Variants in IGSF9B observed in about 807,000 individuals in gnomAD.
The protein encoded by IGSF9B is immunoglobulin superfamily member 9B, also known as protein turtle homolog B.
IGSF9B carries 48 observed loss-of-function variants against 143.7 expected under a neutral mutation model. The observed-to-expected ratio is 0.33, with a 90% CI of 0.26 to 0.42. IGSF9B has a LOEUF of 0.42. Ranked by LOEUF, IGSF9B falls within the 20% of genes least tolerant of loss-of-function variation. The pLI is 1.00. For synonymous variants in IGSF9B, 903 were observed against 833.1 expected, an observed-to-expected ratio of 1.08 and a Z score of -1.44; for missense variants, 1,706 against 1,980.0, an observed-to-expected ratio of 0.86 and a Z score of 2.63.
At chr11:133,949,554 G>T (rs752074972) in intron 1 of IGSF9B, among the ~76,000 whole-genome samples, 4 of 152,182 alleles carry the variant, frequency 2.6e-5, no homozygotes, top group Non-Finnish European at 4.4e-5. Flanking sequence ...AGCAAAAGAG[G>T]TGCAAAGTGG....
chr11:133,951,686 C>T (rs995081201), intron 1 of IGSF9B, among the ~76,000 whole-genome samples: 14 of 152,346 alleles, frequency 9.2e-5, no homozygotes, highest in African/African-American at 2.9e-4. Flanking sequence ...CACACCCCCA[C>T]TGCCCCTCTC....
At chr11:133,919,130 G>GGGGGGGT in intron 18 of IGSF9B, 1 of 374,932 alleles carries the variant, frequency 2.7e-6, no homozygotes, top group South Asian at 1.8e-5. Context: ...GGGGGGGGGT[G>GGGGGGGT]GGGGACGTGT....
In IGSF9B at chr11:133,920,457, C is replaced by A. The variant is rs766582248; in HGVS notation, c.3268G>T (p.Ala1090Ser). 3.8e-6 allele frequency: 6 copies of A among 1,565,722 alleles called. 1 individual carries two copies. In the Middle Eastern group the frequency reaches 6.9e-4, roughly 180 times the overall value. Residue 1090 changes from alanine to serine, a missense_variant, in exon 18 of 20, where the codon GCC becomes TCC. This residue lies in a region of IGSF9B where 880 missense variants were observed against 762.9 expected (regional missense o/e 1.15). Coordinates refer to ENST00000533871, the MANE Select transcript of IGSF9B (RefSeq NM_001277285.4). ...TCCAGAGACAGGATGCCCGGGTAGGCCGCGGGCACCTGCAGGGAGGTGGGG... is the reference window on the plus strand; with the variant it reads ...TCCAGAGACAGGATGCCCGGGTAGGACGCGGGCACCTGCAGGGAGGTGGGG... ...LPPTSLQVPA[A>S]YPGILSLEAP...
In IGSF9B at chr11:133,932,227, G is replaced by A. The variant is rs1158886132; in HGVS notation, c.968-14C>T. 5.8e-6 allele frequency: 9 copies of A among 1,548,462 alleles called. No individual in the cohort carries two copies. The highest frequency in any genetic ancestry group is 7.9e-6 in the Non-Finnish European group (9 of 1,145,310). On this transcript the variant is annotated splice_polypyrimidine_tract_variant and intron_variant, in intron 7 of 19. Transcript: ENST00000533871. The stretch of plus-strand genomic sequence containing the variant: ...CACGCGCTGGGTCTGCATAGAGGAA[G>A]CGCAGGTGAGAGAGCAGACAGACAG...
rs567890231 is a variant in IGSF9B, at chr11:133,906,379, G to C, written c.*2690C>G. On this transcript the variant is annotated 3_prime_UTR_variant, in exon 20 of 20. Transcript: ENST00000533871. The stretch of plus-strand genomic sequence containing the variant: ...AGGGCTGCTGGCCTCCGAGGACACT[G>C]TCACAGGAGGAAGCCCTCAGGGGAG... 7.9e-5 allele frequency among the ~76,000 whole-genome samples: 12 copies of C among 151,910 alleles called. No homozygotes were observed. The highest frequency in any genetic ancestry group is 1.8e-4 in the Non-Finnish European group (12 of 68,054).
At chr11:133,947,914 C>T (rs695134) in intron 1 of IGSF9B, among the ~76,000 whole-genome samples, 74,319 of 151,358 alleles carry the variant, frequency 0.49, 19,389 homozygotes, top group Middle Eastern at 0.68. Flanking sequence ...TGTGTCTGTC[C>T]GTCCATCTCT....
At position 133,920,398 on chromosome 11, in the gene IGSF9B, G is replaced by T; in HGVS notation, c.3327C>A (p.Gly1109=). The T allele has an allele frequency of 1.3e-6, 2 of 1,597,132 alleles. No homozygotes were observed. Among genetic ancestry groups the T allele is most frequent in the South Asian group, 1.1e-5 (1 of 89,502 alleles). ...APKGWAGKSP[G]RGPVPAPPAA... is the part of the protein sequence containing the mutation. ...CGGGGGGCGCTGGGACAGGGCCCCTGCCGGGCGACTTGCCTGCCCAACCCT... is the reference window on the plus strand; with the variant it reads ...CGGGGGGCGCTGGGACAGGGCCCCTTCCGGGCGACTTGCCTGCCCAACCCT... The change falls in exon 18 of 20, where the codon GGC becomes GGA. Residue 1109 remains glycine, a synonymous_variant. Coordinates refer to ENST00000533871, the MANE Select transcript of IGSF9B (RefSeq NM_001277285.4).
rs1043668664 is a variant in IGSF9B, at chr11:133,928,319, G to A, written c.1632-1228C>T. ...TGCGGGAGGAACAGAGTAAGGGGAC[G>A]GGAGGTGAGCTGCGGCAACTCCCAT... On this transcript the variant is annotated intron_variant, in intron 12 of 19. Transcript: ENST00000533871. The surrounding 1 kb of genome is among the most constrained non-coding windows in gnomAD (Gnocchi z 4.7). Among the ~76,000 whole-genome samples, 11 of 152,242 alleles carry A rather than the reference G, an allele frequency of 7.2e-5. No individual in the cohort carries two copies. The highest frequency in any genetic ancestry group is 4.1e-4 in the South Asian group (2 of 4,820).
intron 11 of IGSF9B, 130 bp downstream of exon 11, chr11:133,930,854 G>T: frequency 1.0e-6 from 1 of 959,524 alleles, no homozygotes; most frequent in Non-Finnish European, 1.5e-6. Flanking sequence ...GGAGTTCAGG[G>T]CTGCACTGAC....
chr11:133,919,977 T>G lies in IGSF9B; in HGVS notation c.3748A>C (p.Lys1250Gln). The G allele has an allele frequency of 6.3e-7, 1 of 1,575,362 alleles. No individual in the cohort carries two copies. The highest frequency in any genetic ancestry group is 8.6e-7 in the Non-Finnish European group (1 of 1,160,864). ...QPPAAVSFSR[K>Q]STPSTGSPSQ... The stretch of plus-strand genomic sequence containing the variant: ...GGGGAGCCTGTGGACGGCGTAGACT[T>G]TCGAGAAAAGCTGACTGCAGCCGGC... Residue 1250 changes from lysine (K) to glutamine (Q), a missense_variant, in exon 18 of 20, where the codon AAG becomes CAG. Physicochemically the swap from Lys to Gln is moderately conservative, Grantham distance 53. Coordinates refer to ENST00000533871, the MANE Select transcript of IGSF9B (RefSeq NM_001277285.4).
chr11:133,947,174 G>A (rs568995053), intron 1 of IGSF9B, among the ~76,000 whole-genome samples: 12 of 152,270 alleles, frequency 7.9e-5, no homozygotes, highest in Admixed American at 5.9e-4. Context: ...GCTAGAGGAC[G>A]CCGCAGAGAG....
chr11:133,918,866 C>T (rs1565419712), intron 18 of IGSF9B, among the ~76,000 whole-genome samples: 3 of 151,098 alleles, frequency 2.0e-5, no homozygotes, highest in Non-Finnish European at 2.9e-5. Flanking sequence ...AGAGGCGTGG[C>T]CGGCTCTTCC....
rs1029014061 is a variant in IGSF9B at position 133,913,099 on chromosome 11, C to T, written c.3984-1092G>A. ...GAAGGGGAAAGAGAAAAAGACAGGT[C>T]ACTCTGTCTTCCCACCAGCGCTGGC... On this transcript the variant is annotated intron_variant, in intron 18 of 19. Transcript: ENST00000533871. This position sits in a 1 kb window ranked among gnomAD's most constrained non-coding sequence, Gnocchi z 4.6. Among the ~76,000 whole-genome samples the T allele has an allele frequency of 6.6e-5, 10 of 152,304 alleles. No homozygotes were observed. The highest frequency in any genetic ancestry group is 3.4e-3 in the Middle Eastern group (1 of 294).
chr11:133,915,676 A>G (rs888168483), intron 18 of IGSF9B, among the ~76,000 whole-genome samples: 1 of 152,206 alleles, frequency 6.6e-6, no homozygotes, highest in African/African-American at 2.4e-5. Flanking sequence ...AAGTGGAGGC[A>G]AGCCTCAGGA....
chr11:133,946,043 C>T lies in IGSF9B; in HGVS notation c.262+18G>A, dbSNP rs776324449. 1.3e-6 allele frequency: 2 copies of T among 1,515,506 alleles called. No individual in the cohort carries two copies. The highest frequency in any genetic ancestry group is 2.4e-5 in the East Asian group (1 of 41,284). 93.9% of individuals were successfully genotyped at this position (1,515,506 alleles called of 1,614,324 possible). ...TCCAGCTGGGGAAGGTGCGGGAGAC[C>T]GGGTGCCCAGACCTTACCTGCATAC... On this transcript the variant is annotated intron_variant, in intron 2 of 19. Coordinates refer to ENST00000533871, the MANE Select transcript of IGSF9B (RefSeq NM_001277285.4).
intron 18 of IGSF9B, among the ~76,000 whole-genome samples, chr11:133,912,839 A>T (rs1212364315): frequency 6.6e-6 from 1 of 152,124 alleles, no homozygotes; most frequent in African/African-American, 2.4e-5. Flanking sequence ...CTGCATCCTG[A>T]TTGTCACTTG....
At chr11:133,956,503 C>A (rs1249061600) in intron 1 of IGSF9B, among the ~76,000 whole-genome samples, 188 bp downstream of exon 1, 1 of 130,904 alleles carries the variant, frequency 7.6e-6, no homozygotes, top group Admixed American at 7.7e-5. Flanking sequence ...CAGCCCACGG[C>A]CCCCAGGCCC....
chr11:133,910,041 A>G (rs143266478), intron 19 of IGSF9B, among the ~76,000 whole-genome samples: 286 of 152,336 alleles, frequency 1.9e-3, no homozygotes, highest in Non-Finnish European at 2.9e-3. Flanking sequence ...GTTAAGGGTA[A>G]ATGTGGTGTG....
chr11:133,919,620 C>CCGGTG, intron 18 of IGSF9B, 122 bp downstream of exon 18: 1 of 657,728 alleles, frequency 1.5e-6, no homozygotes. Context: ...CCGAGGGACG[C>CCGGTG]CGGTGCGGCA....
Sources: allele counts gnomAD v4.1 joint callset (sites outside exome capture counted in the v4.1 genomes callset), GRCh38; gene constraint gnomAD v4.1.1; regional missense constraint gnomAD v4.1.1; non-coding constraint Gnocchi (gnomAD v3.1); transcripts MANE v1.5; gene names NCBI Gene and HGNC (gene_info 2026-07-23, HGNC 2026-07-21).